ATXN7L1: variants seen among roughly 807,000 people sequenced by gnomAD.
ATXN7L1 encodes the protein ataxin-7-like protein 1.
In ATXN7L1, 15 loss-of-function variants were observed where a neutral mutation model predicts 70.8. That is an observed-to-expected ratio of 0.21 (90% CI 0.14 to 0.33). The LOEUF is 0.33. Among genes scored for constraint, ATXN7L1 ranks in the 10% least tolerant of loss-of-function variants. ATXN7L1 has a pLI of 1.00. For synonymous variants in ATXN7L1, 440 were observed against 445.1 expected, an observed-to-expected ratio of 0.99 and a Z score of 0.14; for missense variants, 975 against 1,097.1, an observed-to-expected ratio of 0.89 and a Z score of 1.57.
Position 105,692,412 on chromosome 7 carries a change from TCCTTCCTTCCTTCCTC to T in ATXN7L1, c.356-27140_356-27125del, listed in dbSNP as rs1309160388. 1.4e-3 allele frequency among the ~76,000 whole-genome samples: 180 copies of T among 128,046 alleles called. 1 individual carries two copies. Among genetic ancestry groups the T allele is most frequent in the Middle Eastern group, 7.2e-3 (2 of 278 alleles). The allele number at this position is 128,046 out of a possible 152,430, so 84.0% of individuals were successfully genotyped here. A position where few individuals can be genotyped will look rare whatever the true frequency, so the allele number is the denominator to read the frequency against. On this transcript the variant is annotated intron_variant, in intron 3 of 11. Coordinates refer to ENST00000419735, the MANE Select transcript of ATXN7L1 (RefSeq NM_020725.2). ...TTCCTTCCTTCCTTCCTTCCTTCCTTCCTTCCTTCCTTCCTCCCTCCCTCCCTCCCTCCCTTCCTTC... is the reference window on the plus strand; with the variant it reads ...TTCCTTCCTTCCTTCCTTCCTTCCTTCCTCCCTCCCTCCCTCCCTTCCTTC...
chr7:105,812,203 G>C (rs1486244193), intron 2 of ATXN7L1, among the ~76,000 whole-genome samples: 1 of 152,212 alleles, frequency 6.6e-6, no homozygotes, highest in Non-Finnish European at 1.5e-5. Flanking sequence ...CACAGAGCAG[G>C]CCTGCAATAA....
intron 3 of ATXN7L1, among the ~76,000 whole-genome samples, chr7:105,732,608 T>C (rs1361714820): frequency 6.6e-6 from 1 of 152,124 alleles, no homozygotes; most frequent in East Asian, 1.9e-4. Flanking sequence ...TATGCAGTTG[T>C]TCTGAGTGGG....
At chr7:105,851,595 T>A (rs1381593170) in intron 2 of ATXN7L1, among the ~76,000 whole-genome samples, 1 of 152,196 alleles carries the variant, frequency 6.6e-6, no homozygotes, top group East Asian at 1.9e-4. Context: ...ATGCAACTTT[T>A]AAAGCAGCAA....
chr7:105,816,964 A>T (rs1009530962), intron 2 of ATXN7L1, among the ~76,000 whole-genome samples: 1 of 152,246 alleles, frequency 6.6e-6, no homozygotes, highest in African/African-American at 2.4e-5. Flanking sequence ...CTCAGCAAAG[A>T]GGATACAAAG....
intron 3 of ATXN7L1, among the ~76,000 whole-genome samples, chr7:105,751,848 G>A (rs1163767936): frequency 2.6e-5 from 4 of 152,254 alleles, no homozygotes; most frequent in African/African-American, 9.6e-5. Context: ...GGAGCCGTCA[G>A]CTCTGCCTTT....
intron 2 of ATXN7L1, among the ~76,000 whole-genome samples, chr7:105,836,368 T>G (rs2116599652): frequency 6.6e-6 from 1 of 152,078 alleles, no homozygotes; most frequent in East Asian, 2.0e-4. Context: ...ACAACCAAAA[T>G]GACCCAAAGA....
At chr7:105,640,289 C>T (rs1797983390) in intron 5 of ATXN7L1, among the ~76,000 whole-genome samples, 1 of 152,160 alleles carries the variant, frequency 6.6e-6, no homozygotes, top group Non-Finnish European at 1.5e-5. Flanking sequence ...GCCCCCACTG[C>T]CCTGGGTCTG....
intron 2 of ATXN7L1, among the ~76,000 whole-genome samples, chr7:105,815,353 C>G (rs1342594250): frequency 6.6e-6 from 1 of 152,054 alleles, no homozygotes; most frequent in Non-Finnish European, 1.5e-5. Context: ...TTTTGAAACC[C>G]CTAACTGTTC....
chr7:105,658,561 T>C (rs1358924720), intron 4 of ATXN7L1, among the ~76,000 whole-genome samples: 1 of 140,666 alleles, frequency 7.1e-6, no homozygotes, highest in Non-Finnish European at 1.5e-5. Flanking sequence ...GAGTCTCACT[T>C]GCTTTGTTGC....
intron 3 of ATXN7L1, among the ~76,000 whole-genome samples, chr7:105,733,504 T>TCCATCCATCCATCCA (rs1563048319): frequency 8.8e-5 from 4 of 45,500 alleles, no homozygotes; most frequent in African/African-American, 3.3e-4. Flanking sequence ...CCATCCATCC[T>TCCATCCATCCATCCA]TCCATCCATC....
At chr7:105,727,769 T>TATATGTATATATA (rs1796054113) in intron 3 of ATXN7L1, among the ~76,000 whole-genome samples, 1 of 120,298 alleles carries the variant, frequency 8.3e-6, no homozygotes, top group Admixed American at 8.6e-5. Flanking sequence ...TATATATATA[T>TATATGTATATATA]ATATATATAC....
chr7:105,817,824 G>A (rs1809423408), intron 2 of ATXN7L1, among the ~76,000 whole-genome samples: 1 of 152,156 alleles, frequency 6.6e-6, no homozygotes, highest in Non-Finnish European at 1.5e-5. Context: ...TACTCCGGAG[G>A]CTGAGGTGGA....
At chr7:105,852,012 GTTTAC>G (rs1311709918) in intron 2 of ATXN7L1, among the ~76,000 whole-genome samples, 18 of 152,160 alleles carry the variant, frequency 1.2e-4, no homozygotes, top group Admixed American at 1.2e-3. Context: ...GAATGTAGCT[GTTTAC>G]TTTATCACAC....
chr7:105,819,838 C>T (rs752060615), intron 2 of ATXN7L1: 11 of 619,814 alleles, frequency 1.8e-5, no homozygotes, highest in Non-Finnish European at 3.4e-5. Flanking sequence ...CATGAAAAAG[C>T]GGATGGTGGT....
intron 3 of ATXN7L1, among the ~76,000 whole-genome samples, chr7:105,689,583 C>T (rs1410819840): frequency 6.6e-6 from 1 of 152,180 alleles, no homozygotes; most frequent in Non-Finnish European, 1.5e-5. Context: ...TACAAACCAA[C>T]ACACACCTCA....
chr7:105,719,249 C>G (rs4727625), intron 3 of ATXN7L1, among the ~76,000 whole-genome samples: 59,309 of 151,992 alleles, frequency 0.39, 12,185 homozygotes, highest in East Asian at 0.6. Flanking sequence ...AGTAACAGCA[C>G]CTTGATTTTC....
chr7:105,701,386 T>C (rs1792434094), intron 3 of ATXN7L1, among the ~76,000 whole-genome samples: 1 of 152,200 alleles, frequency 6.6e-6, no homozygotes, highest in South Asian at 2.1e-4. Context: ...TGTAGATACA[T>C]ATGTACAACA....
At chr7:105,715,849 T>C (rs1303353423) in intron 3 of ATXN7L1, among the ~76,000 whole-genome samples, 1 of 152,178 alleles carries the variant, frequency 6.6e-6, no homozygotes, top group African/African-American at 2.4e-5. Flanking sequence ...TTTCAGTCCT[T>C]TGAGTCAAAC....
chr7:105,859,839 G>A (rs1002352520), intron 2 of ATXN7L1, among the ~76,000 whole-genome samples: 2 of 140,718 alleles, frequency 1.4e-5, no homozygotes, highest in Non-Finnish European at 3.0e-5. Flanking sequence ...CTAGAGTGCA[G>A]TGGCACGATC....
Sources: allele counts gnomAD v4.1 joint callset (sites outside exome capture counted in the v4.1 genomes callset), GRCh38; gene constraint gnomAD v4.1.1; transcripts MANE v1.5; gene names NCBI Gene and HGNC (gene_info 2026-07-23, HGNC 2026-07-21).